ULK4: variants seen among roughly 807,000 people sequenced by gnomAD.
ULK4 encodes the protein inactive serine/threonine-protein kinase ULK4.
In ULK4, 133 loss-of-function variants were observed where a neutral mutation model predicts 160.6. The observed-to-expected ratio is 0.83, with a 90% CI of 0.72 to 0.96. ULK4 has a LOEUF of 0.96. ULK4 is among the 40% of genes least tolerant of loss of function. The pLI is 0.00. For missense variants in ULK4, 1,580 were observed against 1,499.5 expected (o/e 1.05, Z -0.89); for synonymous variants, 534 against 539.8 (o/e 0.99, Z 0.15).
chr3:41,600,426 A>T (rs72860702), intron 31 of ULK4, among the ~76,000 whole-genome samples: 9,237 of 152,254 alleles, frequency 0.061, 950 homozygotes, highest in African/African-American at 0.21. Flanking sequence ...AAATCTGACC[A>T]GGTCAGGAGA....
At chr3:41,568,324 G>T (rs578018988) in intron 31 of ULK4, among the ~76,000 whole-genome samples, 16 of 152,342 alleles carry the variant, frequency 1.1e-4, no homozygotes, top group African/African-American at 3.4e-4. Context: ...AGCAAGCAAA[G>T]CATAGCTCCT....
intron 21 of ULK4, among the ~76,000 whole-genome samples, chr3:41,774,812 T>G (rs2039540972): frequency 6.6e-6 from 1 of 150,498 alleles, no homozygotes; most frequent in African/African-American, 2.5e-5. Flanking sequence ...AGCAAAAACT[T>G]GGAACCAACC....
At chr3:41,401,240 T>G (rs150651265) in intron 34 of ULK4, among the ~76,000 whole-genome samples, 15 of 152,244 alleles carry the variant, frequency 9.9e-5, no homozygotes, top group African/African-American at 3.6e-4. Context: ...TTCTCCTATA[T>G]TTTTTTCTAA....
intron 13 of ULK4, among the ~76,000 whole-genome samples, chr3:41,898,717 T>G (rs1575910695): frequency 6.6e-6 from 1 of 152,340 alleles, no homozygotes; most frequent in Non-Finnish European, 1.5e-5. Context: ...AAATAAAGCT[T>G]CATAGAAAAC....
intron 32 of ULK4, among the ~76,000 whole-genome samples, chr3:41,466,521 T>C (rs1205043289): frequency 1.3e-5 from 2 of 152,080 alleles, no homozygotes; most frequent in Non-Finnish European, 2.9e-5. Flanking sequence ...TAATTTCAGA[T>C]GAATGATAGA....
chr3:41,728,070 G>C (rs1381760760), intron 22 of ULK4, among the ~76,000 whole-genome samples: 1 of 152,198 alleles, frequency 6.6e-6, no homozygotes, highest in African/African-American at 2.4e-5. Context: ...ATCTTTATCA[G>C]ACATTAACGT....
chr3:41,382,409 T>C (rs2081677701), intron 35 of ULK4, among the ~76,000 whole-genome samples: 1 of 152,224 alleles, frequency 6.6e-6, no homozygotes, highest in South Asian at 2.1e-4. Context: ...GACTTCATAA[T>C]ATTGTTAAAA....
At chr3:41,677,622 C>T (rs1320829461) in intron 29 of ULK4, among the ~76,000 whole-genome samples, 3 of 152,088 alleles carry the variant, frequency 2.0e-5, no homozygotes, top group Non-Finnish European at 4.4e-5. Context: ...AGAGCCACCG[C>T]GCCCGGCCCC....
At chr3:41,819,653 G>T in intron 18 of ULK4, 147 bp from the exon 19 acceptor site, 1 of 636,306 alleles carries the variant, frequency 1.6e-6, no homozygotes, top group East Asian at 2.7e-5. Flanking sequence ...TGATGATAAC[G>T]ACTAGATCAA....
intron 17 of ULK4, chr3:41,882,159 T>C (rs1314861099): frequency 1.0e-5 from 7 of 701,604 alleles, no homozygotes; most frequent in Non-Finnish European, 1.3e-5. Flanking sequence ...AGAATGCTGA[T>C]ACAGTTTTAT....
chr3:41,885,506 T>C (rs1376092500), intron 16 of ULK4, among the ~76,000 whole-genome samples: 1 of 152,142 alleles, frequency 6.6e-6, no homozygotes, highest in African/African-American at 2.4e-5. Context: ...GACTCGACAC[T>C]GTACCTCAGA....
intron 31 of ULK4, among the ~76,000 whole-genome samples, chr3:41,575,218 C>T (rs1318860332): frequency 6.6e-6 from 1 of 152,202 alleles, no homozygotes. Flanking sequence ...TCATTTACCT[C>T]ATAAATATGT....
intron 34 of ULK4, among the ~76,000 whole-genome samples, chr3:41,427,388 G>GA: frequency 6.6e-6 from 1 of 152,260 alleles, no homozygotes; most frequent in East Asian, 1.9e-4. Flanking sequence ...CCAAACAATT[G>GA]AAAAGAAGGG....
intron 32 of ULK4, among the ~76,000 whole-genome samples, chr3:41,524,832 G>C (rs571903525): frequency 1.3e-5 from 2 of 152,212 alleles, no homozygotes; most frequent in African/African-American, 4.8e-5. Context: ...AAGCTACTCG[G>C]GAAGCTGAGG....
At chr3:41,292,810 G>A (rs1267005807) in intron 35 of ULK4, among the ~76,000 whole-genome samples, 1 of 152,092 alleles carries the variant, frequency 6.6e-6, no homozygotes, top group Non-Finnish European at 1.5e-5. Context: ...TGGGTGTGGT[G>A]GTGCATGTCT....
chr3:41,642,435 C>T (rs1010736761), intron 30 of ULK4, among the ~76,000 whole-genome samples: 4 of 152,022 alleles, frequency 2.6e-5, no homozygotes, highest in East Asian at 1.9e-4. Flanking sequence ...TGAGAACATG[C>T]AGTGTTTGGT....
chr3:41,724,592 A>G (rs1021311814), intron 22 of ULK4, among the ~76,000 whole-genome samples: 3 of 151,986 alleles, frequency 2.0e-5, no homozygotes, highest in Non-Finnish European at 4.4e-5. Flanking sequence ...GCGTGGTGGC[A>G]GGCGCCTGTA....
chr3:41,670,371 T>C (rs1278264594), intron 29 of ULK4, among the ~76,000 whole-genome samples: 1 of 152,074 alleles, frequency 6.6e-6, no homozygotes, highest in Non-Finnish European at 1.5e-5. Context: ...TAAAATGAAA[T>C]TGGGTATAAA....
At chr3:41,440,663 C>A (rs1601754) in intron 34 of ULK4, among the ~76,000 whole-genome samples, 114 of 152,146 alleles carry the variant, frequency 7.5e-4, no homozygotes, top group African/African-American at 2.6e-3. Flanking sequence ...ATGCTAGCCT[C>A]TAGAATGAGT....
Sources: allele counts gnomAD v4.1 joint callset (sites outside exome capture counted in the v4.1 genomes callset), GRCh38; gene constraint gnomAD v4.1.1; transcripts MANE v1.5; gene names NCBI Gene and HGNC (gene_info 2026-07-23, HGNC 2026-07-21).